Variants in USP31 observed in about 807,000 individuals in gnomAD.
USP31 encodes the protein ubiquitin carboxyl-terminal hydrolase 31.
A neutral mutation model predicts 119.4 loss-of-function variants in USP31; 44 were observed. The observed-to-expected ratio is 0.37, with a 90% CI of 0.29 to 0.47. USP31 has a LOEUF of 0.47. Among genes scored for constraint, USP31 ranks in the 20% least tolerant of loss-of-function variants. The pLI is 0.99. For synonymous variants in USP31, 749 were observed against 705.6 expected, an observed-to-expected ratio of 1.06 and a Z score of -0.97; for missense variants, 1,643 against 1,730.2, an observed-to-expected ratio of 0.95 and a Z score of 0.89.
intron 14 of USP31, among the ~76,000 whole-genome samples, chr16:23,073,035 T>C (rs1203937516): frequency 6.6e-6 from 1 of 152,092 alleles, no homozygotes; most frequent in Non-Finnish European, 1.5e-5. Context: ...TCCAATCCTC[T>C]GTCACGCTCT....
intron 6 of USP31, among the ~76,000 whole-genome samples, chr16:23,095,950 A>T (rs12445010): frequency 0.17 from 25,434 of 152,202 alleles, 2,639 homozygotes; most frequent in Admixed American, 0.26. Context: ...AACGGGCAGA[A>T]TAACCAAATA....
intron 4 of USP31, 127 bp from the exon 5 acceptor site, chr16:23,105,703 C>T (rs1219674646): frequency 9.0e-7 from 1 of 1,113,612 alleles, no homozygotes; most frequent in African/African-American, 1.6e-5. Context: ...CTCGGAAGCC[C>T]AAATGGAAAA....
At chr16:23,098,280 G>A (rs574646433) in intron 6 of USP31, among the ~76,000 whole-genome samples, 8 of 152,094 alleles carry the variant, frequency 5.3e-5, no homozygotes, top group East Asian at 1.9e-4. Flanking sequence ...TGCAAAGGAC[G>A]TCTTCAAGGA....
chr16:23,073,711 G>C lies in USP31; in HGVS notation c.2335+11C>G. The C allele has an allele frequency of 6.2e-7, 1 of 1,610,440 alleles. No homozygotes were observed. The stretch of plus-strand genomic sequence containing the variant: ...TGGAAAAAACTGCCCAAGAACAAGA[G>C]TGGACCTCACCTGCCACCGAGCTGT... On this transcript the variant is annotated intron_variant, in intron 14 of 15. Transcript: ENST00000219689.
intron 9 of USP31, 64 bp from the exon 10 acceptor site, chr16:23,085,726 A>T (rs1420536753): frequency 7.5e-7 from 1 of 1,339,440 alleles, no homozygotes; most frequent in Admixed American, 1.8e-5. Flanking sequence ...GATTTTACTT[A>T]ATGTGATTAT....
At chr16:23,082,996 A>G (rs1023345188) in intron 11 of USP31, among the ~76,000 whole-genome samples, 4 of 151,846 alleles carry the variant, frequency 2.6e-5, no homozygotes, top group African/African-American at 4.8e-5. Flanking sequence ...ACACCCAGCT[A>G]ATTTTTGTAT....
At chr16:23,142,500 G>T (rs1903381351) in intron 1 of USP31, among the ~76,000 whole-genome samples, 1 of 152,160 alleles carries the variant, frequency 6.6e-6, no homozygotes, top group Admixed American at 6.5e-5. Context: ...TCGTTTCATT[G>T]CTTGTACTGA....
At chr16:23,127,657 T>A (rs1027638141) in intron 1 of USP31, among the ~76,000 whole-genome samples, 1 of 150,546 alleles carries the variant, frequency 6.6e-6, no homozygotes, top group African/African-American at 2.4e-5. Context: ...TTTTTTTTTT[T>A]TTTGTAGAGA....
At chr16:23,098,097 C>T (rs975657222) in intron 6 of USP31, among the ~76,000 whole-genome samples, 1 of 152,182 alleles carries the variant, frequency 6.6e-6, no homozygotes, top group African/African-American at 2.4e-5. Flanking sequence ...CCAAAATCTC[C>T]TTAAACTGAT....
At chr16:23,104,276 A>C (rs1419835198) in intron 5 of USP31, among the ~76,000 whole-genome samples, 1 of 152,212 alleles carries the variant, frequency 6.6e-6, no homozygotes, top group Non-Finnish European at 1.5e-5. Context: ...AATGAATTTA[A>C]TGACCATGTT....
Position 23,073,724 on chromosome 16 carries a change from G to A in USP31, c.2333C>T (p.Ala778Val). 1 of 1,611,320 alleles carries A rather than the reference G, an allele frequency of 6.2e-7. No individual in the cohort carries two copies. Among genetic ancestry groups the A allele is most frequent in the Non-Finnish European group, 8.5e-7 (1 of 1,178,864 alleles). The change falls in exon 14 of 16, where the codon GCA becomes GTA. Residue 778 changes from alanine to valine, a missense_variant and splice_region_variant. Ala to Val is a moderately conservative substitution (Grantham distance 64, BLOSUM62 0). This residue lies in a region of USP31 where 279 missense variants were observed against 372.2 expected (regional missense o/e 0.75). Coordinates refer to ENST00000219689, the MANE Select transcript of USP31 (RefSeq NM_020718.4). ...CCAAGAACAAGAGTGGACCTCACCT[G>A]CCACCGAGCTGTTGGCTGACCATGA... Reference protein sequence around the residue: ...IPSWSANSSVAGSTSSSLCEH... With the variant: ...IPSWSANSSVVGSTSSSLCEH...
rs915621003 is a variant in USP31 at position 23,065,740 on chromosome 16, C to T, written c.*2306G>A. On this transcript the variant is annotated 3_prime_UTR_variant, in exon 16 of 16. Transcript: ENST00000219689. ...CACTAGACATCGTGGAAAATCCATT[C>T]CTAGATAACTCAAGAATAAAAATAT... 2 of 151,836 alleles carry T rather than the reference C, an allele frequency of 1.3e-5. No individual in the cohort carries two copies. The highest frequency in any genetic ancestry group is 2.9e-5 in the Non-Finnish European group (2 of 67,976). 9.4% of individuals were successfully genotyped at this position (151,836 alleles called of 1,614,324 possible).
chr16:23,088,660 T>C (rs1315379561), intron 7 of USP31, among the ~76,000 whole-genome samples: 1 of 152,198 alleles, frequency 6.6e-6, no homozygotes, highest in Non-Finnish European at 1.5e-5. Context: ...TGTCTCCTAC[T>C]CACTCATGTG....
chr16:23,116,644 T>A (rs993156420), intron 1 of USP31, among the ~76,000 whole-genome samples: 1 of 152,180 alleles, frequency 6.6e-6, no homozygotes, highest in Non-Finnish European at 1.5e-5. Flanking sequence ...CCCCTAATAT[T>A]TGCTGGCTGG....
In USP31 at chr16:23,084,870, T is replaced by C. The variant is rs979867886; in HGVS notation, c.1820A>G (p.Lys607Arg). Residue 607 changes from lysine to arginine, a missense_variant, in exon 11 of 16, where the codon AAA becomes AGA. By Grantham distance (26) the Lys-to-Arg change is conservative. Coordinates refer to ENST00000219689, the MANE Select transcript of USP31 (RefSeq NM_020718.4). ...TGCCCAGTCTCTTACCCGCTCCTCTTTGGTGTACAGTTGGAAACACTGGGA... is the reference window on the plus strand; with the variant it reads ...TGCCCAGTCTCTTACCCGCTCCTCTCTGGTGTACAGTTGGAAACACTGGGA... ...TLSQCFQLYT[K>R]EERLAPDDAW... 15 of 1,613,936 alleles carry C rather than the reference T, an allele frequency of 9.3e-6. No individual in the cohort carries two copies. Among genetic ancestry groups the C allele is most frequent in the Admixed American group, 1.7e-5 (1 of 59,996 alleles).
chr16:23,084,645 G>A (rs1173004383), intron 11 of USP31, among the ~76,000 whole-genome samples: 1 of 152,144 alleles, frequency 6.6e-6, no homozygotes, highest in African/African-American at 2.4e-5. Context: ...TTCATTTCCA[G>A]AGTACTTCAA....
Position 23,106,405 on chromosome 16 carries a change from T to C in USP31, c.854A>G (p.Gln285Arg), listed in dbSNP as rs139042272. 1.2e-5 allele frequency: 20 copies of C among 1,613,706 alleles called. No individual in the cohort carries two copies. The African/African-American group carries it at 2.5e-4, about 20-fold the overall frequency. The change falls in exon 3 of 16, where the codon CAA becomes CGA. Residue 285 changes from glutamine to arginine, a missense_variant. By Grantham distance (43) the Gln-to-Arg change is conservative (BLOSUM62 1). This residue lies in a region of USP31 where 144 missense variants were observed against 218.0 expected (regional missense o/e 0.66). Coordinates refer to ENST00000219689, the MANE Select transcript of USP31 (RefSeq NM_020718.4). Reference protein sequence around the residue: ...STFVQELFQAQYRSSLTCPHC... With the variant: ...STFVQELFQARYRSSLTCPHC... ...ACATCCGATTTTCTCATACCTGTAT[T>C]GCGCTTGAAAGAGTTCTTGTACAAA...
At chr16:23,083,596 A>T (rs780446741) in intron 11 of USP31, among the ~76,000 whole-genome samples, 77 of 132,474 alleles carry the variant, frequency 5.8e-4, no homozygotes, top group Non-Finnish European at 1.1e-3. Flanking sequence ...CAAAGTCATT[A>T]AAAAAAAAAA....
At chr16:23,085,812 G>A in intron 9 of USP31, 150 bp from the exon 10 acceptor site, 2 of 679,932 alleles carry the variant, frequency 2.9e-6, no homozygotes, top group Admixed American at 2.8e-5. Flanking sequence ...AAAGTTTTCA[G>A]CAAGACCACT....
Sources: gnomAD v4.1 joint callset for allele counts (sites outside exome capture counted in the v4.1 genomes callset) on GRCh38, gnomAD v4.1.1 for gene constraint, gnomAD v4.1.1 regional missense constraint, MANE v1.5 for transcripts, NCBI Gene and HGNC (gene_info 2026-07-23, HGNC 2026-07-21) for gene names.